Variants in FGF13 observed in about 807,000 individuals in gnomAD.
FGF13 encodes the protein fibroblast growth factor 13.
A neutral mutation model predicts 19.5 loss-of-function variants in FGF13; 2 were observed. The ratio of observed to expected loss-of-function variants is 0.10; its 90% CI spans 0.04 to 0.32. The LOEUF (loss-of-function observed/expected upper bound fraction) is 0.32, where lower values mean the gene tolerates loss of function less well. Among genes scored for constraint, FGF13 ranks in the 10% least tolerant of loss-of-function variants. The pLI is 1.00. For missense variants in FGF13, 113 were observed against 192.7 expected, an observed-to-expected ratio of 0.59 and a Z score of 2.45; for synonymous variants, 72 against 76.9, an observed-to-expected ratio of 0.94 and a Z score of 0.33.
At chrX:138,767,223 T>C (rs192673295) in intron 3 of FGF13, among the ~76,000 whole-genome samples, 140 of 112,373 alleles carry the variant, frequency 1.2e-3, no homozygotes, top group Non-Finnish European at 1.8e-3. Context: ...AAGGCACTGG[T>C]GCTGGCTTCT....
At position 138,627,508 on chromosome X, in the gene FGF13, T is replaced by A. The variant is rs1436524858; in HGVS notation, c.*5342A>T. 2.8e-5 allele frequency: 3 copies of A among 108,436 alleles called. No homozygotes were observed. The highest frequency in any genetic ancestry group is 5.7e-5 in the Non-Finnish European group (3 of 52,453). The allele number at this position is 108,436 out of a possible 1,213,427, so 8.9% of individuals were successfully genotyped here. On this transcript the variant is annotated 3_prime_UTR_variant, in exon 5 of 5. Coordinates refer to ENST00000315930, the MANE Select transcript of FGF13 (RefSeq NM_004114.5). ...ATGGATTTTGAACTTGACTGCTCCA[T>A]TCTCCCAACTGAATAGACATATGAT...
At chrX:139,028,666 A>T (rs1275133094) in intron 1 of FGF13, among the ~76,000 whole-genome samples, 3 of 14,811 alleles carry the variant, frequency 2.0e-4, no homozygotes, top group African/African-American at 3.8e-4. Context: ...AGAGAGAGAA[A>T]GAGAGAGTGT....
In FGF13 at chrX:138,792,109, T is replaced by C. The variant is rs186790456; in HGVS notation, c.217+65403A>G. ...TCTTTCTCCCTTACGATCAATCTGC[T>C]CTATAGGAGGACTGAGATACATATC... On this transcript the variant is annotated intron_variant, in intron 3 of 6. Transcript: ENST00000436198. Among the ~76,000 whole-genome samples, 400 of 111,862 alleles carry C rather than the reference T, an allele frequency of 3.6e-3. 1 individual carries two copies. Among genetic ancestry groups the C allele is most frequent in the African/African-American group, 0.012 (359 of 30,788 alleles).
At chrX:138,874,187 A>G (rs946255362) in intron 1 of FGF13, among the ~76,000 whole-genome samples, 1 of 84,177 alleles carries the variant, frequency 1.2e-5, no homozygotes, top group Non-Finnish European at 2.0e-5. Flanking sequence ...AAGTAAAATT[A>G]AAAAAAAAAA....
intron 1 of FGF13, among the ~76,000 whole-genome samples, chrX:138,950,761 A>T (rs975159194): frequency 7.2e-5 from 8 of 111,642 alleles, no homozygotes; most frequent in Non-Finnish European, 1.3e-4. Flanking sequence ...ATTACTCAAA[A>T]TAATAAAGAT....
intron 1 of FGF13, among the ~76,000 whole-genome samples, chrX:138,736,691 TTAAC>T (rs1052636881): frequency 2.7e-5 from 3 of 110,848 alleles, no homozygotes; most frequent in African/African-American, 9.8e-5. Flanking sequence ...AAGGAAATGA[TTAAC>T]AAATATACTG....
intron 1 of FGF13, among the ~76,000 whole-genome samples, chrX:139,074,256 T>C (rs2092385743): frequency 8.9e-6 from 1 of 112,584 alleles, no homozygotes; most frequent in South Asian, 3.7e-4. Context: ...AATACAATTC[T>C]GAATAAATTC....
In FGF13 at chrX:138,774,190, C is replaced by T. The variant is rs764018264; in HGVS notation, c.218-65262G>A. 8.1e-5 allele frequency among the ~76,000 whole-genome samples: 9 copies of T among 111,647 alleles called. No homozygotes were observed. The South Asian group carries it at 1.1e-3, about 14-fold the overall frequency. On this transcript the variant is annotated intron_variant, in intron 3 of 6. Transcript: ENST00000436198. ...AACTCAATAAATAAATTATTGGCAA[C>T]GTTTTCAAAAGAAAAAACGAATAAT... is the stretch of plus-strand genomic sequence containing the variant.
At chrX:138,833,632 T>C (rs2091090284) in intron 3 of FGF13, among the ~76,000 whole-genome samples, 1 of 111,493 alleles carries the variant, frequency 9.0e-6, no homozygotes, top group African/African-American at 3.3e-5. Context: ...TCTCCTCCTA[T>C]GTGGAGGTGC....
chrX:139,146,384 G>A (rs190108229), intron 1 of FGF13, among the ~76,000 whole-genome samples: 48 of 112,170 alleles, frequency 4.3e-4, no homozygotes, highest in Admixed American at 1.5e-3. Context: ...CATCATCACC[G>A]GCCATCAGAG....
At chrX:138,825,216 G>A in intron 3 of FGF13, among the ~76,000 whole-genome samples, 1 of 111,575 alleles carries the variant, frequency 9.0e-6, no homozygotes, top group East Asian at 2.8e-4. Context: ...CATTGTCTTT[G>A]GAGTCAGACA....
chrX:138,688,701 T>C (rs781676419), intron 3 of FGF13, among the ~76,000 whole-genome samples: 3 of 111,443 alleles, frequency 2.7e-5, no homozygotes, highest in Non-Finnish European at 5.7e-5. Context: ...TCACAATAAT[T>C]CTGACAAGGA....
intron 1 of FGF13, among the ~76,000 whole-genome samples, chrX:138,864,850 C>T (rs771933023): frequency 8.5e-4 from 95 of 112,090 alleles, no homozygotes; most frequent in Non-Finnish European, 1.7e-3. Flanking sequence ...CTGTACATCT[C>T]AATGGTACCA....
intron 1 of FGF13, among the ~76,000 whole-genome samples, chrX:139,160,879 G>T (rs751608350): frequency 8.9e-6 from 1 of 111,749 alleles, no homozygotes; most frequent in East Asian, 2.8e-4. Flanking sequence ...AAAAAACCCA[G>T]GACCAGATGG....
intron 1 of FGF13, among the ~76,000 whole-genome samples, chrX:139,032,785 C>T (rs938031788): frequency 1.8e-5 from 2 of 109,714 alleles, no homozygotes; most frequent in African/African-American, 6.6e-5. Context: ...AGAAGAACCA[C>T]GACAACTGAG....
chrX:139,028,724 C>CGTGT (rs1411444510), intron 1 of FGF13, among the ~76,000 whole-genome samples: 4 of 87,326 alleles, frequency 4.6e-5, no homozygotes, highest in Admixed American at 4.2e-4. Flanking sequence ...AGAGAGAGAG[C>CGTGT]GTGTGTGTGT....
intron 1 of FGF13, among the ~76,000 whole-genome samples, chrX:139,192,995 T>C (rs73634011): frequency 0.048 from 5,344 of 111,797 alleles, 215 homozygotes; most frequent in African/African-American, 0.14. Flanking sequence ...AGAAAGCAGA[T>C]GGCACATAGA....
intron 1 of FGF13, among the ~76,000 whole-genome samples, chrX:138,919,638 C>A (rs371137317): frequency 9.0e-6 from 1 of 111,549 alleles, no homozygotes; most frequent in African/African-American, 3.3e-5. Flanking sequence ...TATATAATTT[C>A]TTTTATCTAG....
intron 3 of FGF13, among the ~76,000 whole-genome samples, chrX:138,657,380 T>C (rs2089448373): frequency 8.9e-6 from 1 of 111,842 alleles, no homozygotes; most frequent in East Asian, 2.8e-4. Flanking sequence ...GTTATTCACT[T>C]ATCTTATTAG....
Sources: allele counts gnomAD v4.1 joint callset (sites outside exome capture counted in the v4.1 genomes callset), GRCh38; gene constraint gnomAD v4.1.1; transcripts MANE v1.5; gene names NCBI Gene and HGNC (gene_info 2026-07-23, HGNC 2026-07-21).